The following RAD51B variants were observed in gnomAD, a reference collection of about 807,000 sequenced individuals.
RAD51B encodes the protein DNA repair protein RAD51 homolog 2.
A neutral mutation model predicts 42.2 loss-of-function variants in RAD51B; 38 were observed. That is an observed-to-expected ratio of 0.90 (90% confidence interval 0.70 to 1.18). The LOEUF (loss-of-function observed/expected upper bound fraction) is 1.18. Ranked by LOEUF, RAD51B falls within the 50% of genes most tolerant of loss-of-function variation. The pLI, the probability that RAD51B is intolerant of heterozygous loss-of-function variation, is 0.00. For synonymous variants in RAD51B, 154 were observed against 145.2 expected, an observed-to-expected ratio of 1.06 and a Z score of -0.43; for missense variants, 373 against 400.7, an observed-to-expected ratio of 0.93 and a Z score of 0.59.
chr14:67,946,523 A>G (rs1033995955), intron 7 of RAD51B, among the ~76,000 whole-genome samples: 5 of 152,122 alleles, frequency 3.3e-5, no homozygotes, highest in African/African-American at 1.2e-4. Flanking sequence ...ACTCGCCACC[A>G]TGCCCAGCTG....
chr14:68,035,476 G>A (rs1422206931), intron 7 of RAD51B, among the ~76,000 whole-genome samples: 2 of 152,030 alleles, frequency 1.3e-5, no homozygotes, highest in Non-Finnish European at 2.9e-5. Flanking sequence ...GTGCTAATAT[G>A]CAAGGAAAGG....
chr14:68,345,304 G>C (rs1398067247), intron 8 of RAD51B, among the ~76,000 whole-genome samples: 1 of 152,146 alleles, frequency 6.6e-6, no homozygotes, highest in East Asian at 1.9e-4. Context: ...ATATAGTTTA[G>C]ATATTTGTCC....
At chr14:67,869,672 A>C (rs1490841450) in intron 5 of RAD51B, among the ~76,000 whole-genome samples, 1 of 152,172 alleles carries the variant, frequency 6.6e-6, no homozygotes, top group African/African-American at 2.4e-5. Context: ...AAAAATGTTA[A>C]GCGCAGCCAG....
chr14:68,161,032 C>T (rs928874769), intron 7 of RAD51B, among the ~76,000 whole-genome samples: 2 of 152,112 alleles, frequency 1.3e-5, no homozygotes, highest in Non-Finnish European at 2.9e-5. Context: ...GCTCTTATAT[C>T]GTTGTGTTTG....
At chr14:68,682,663 G>T (rs890703631) in intron 11 of RAD51B, among the ~76,000 whole-genome samples, 2 of 152,126 alleles carry the variant, frequency 1.3e-5, no homozygotes, top group South Asian at 4.2e-4. Flanking sequence ...CCATAAATAT[G>T]GTTCCCATCC....
intron 8 of RAD51B, among the ~76,000 whole-genome samples, chr14:68,335,622 T>C (rs904889832): frequency 6.6e-6 from 1 of 152,176 alleles, no homozygotes; most frequent in African/African-American, 2.4e-5. Flanking sequence ...TCTTTTACTG[T>C]TTTTCATAGC....
chr14:68,303,242 G>A (rs2081783534), intron 8 of RAD51B, among the ~76,000 whole-genome samples: 2 of 152,112 alleles, frequency 1.3e-5, no homozygotes, highest in Non-Finnish European at 2.9e-5. Flanking sequence ...AACACCGCAT[G>A]TTCTCACTCA....
chr14:68,569,795 T>C (rs1889603882), intron 10 of RAD51B, among the ~76,000 whole-genome samples: 1 of 152,184 alleles, frequency 6.6e-6, no homozygotes, highest in Admixed American at 6.5e-5. Context: ...CAGCAGCCTC[T>C]GCCTTCCCAC....
At chr14:68,512,195 A>C (rs115054024) in intron 10 of RAD51B, among the ~76,000 whole-genome samples, 3,247 of 152,102 alleles carry the variant, frequency 0.021, 116 homozygotes, top group African/African-American at 0.073. Context: ...AGTGACCCCC[A>C]CTCCCAACAG....
chr14:68,255,620 A>G (rs2080737970), intron 7 of RAD51B, among the ~76,000 whole-genome samples: 1 of 152,214 alleles, frequency 6.6e-6, no homozygotes, highest in African/African-American at 2.4e-5. Flanking sequence ...AAAAGTTATC[A>G]CATAATTTTC....
At chr14:68,048,245 A>C (rs923025605) in intron 7 of RAD51B, among the ~76,000 whole-genome samples, 1 of 152,178 alleles carries the variant, frequency 6.6e-6, no homozygotes, top group African/African-American at 2.4e-5. Context: ...TCTTCTTTTG[A>C]GAAATGTCTG....
chr14:68,066,067 T>C (rs1224924824), intron 7 of RAD51B, among the ~76,000 whole-genome samples: 2 of 152,090 alleles, frequency 1.3e-5, no homozygotes, highest in African/African-American at 4.8e-5. Flanking sequence ...GCATTATTTA[T>C]GATTAATAAT....
At chr14:68,593,087 T>C (rs1890830141) in intron 10 of RAD51B, among the ~76,000 whole-genome samples, 1 of 152,204 alleles carries the variant, frequency 6.6e-6, no homozygotes, top group Admixed American at 6.5e-5. Flanking sequence ...AGGTCAGAAC[T>C]GGGCCAGCAG....
At chr14:68,526,846 G>A (rs1200658309) in intron 10 of RAD51B, among the ~76,000 whole-genome samples, 2 of 152,174 alleles carry the variant, frequency 1.3e-5, no homozygotes, top group East Asian at 1.9e-4. Flanking sequence ...GAGAAAACTA[G>A]TTCATTTTCA....
At chr14:68,285,049 T>A (rs1233623749) in intron 7 of RAD51B, among the ~76,000 whole-genome samples, 2 of 152,088 alleles carry the variant, frequency 1.3e-5, no homozygotes, top group Non-Finnish European at 2.9e-5. Flanking sequence ...CACCTCCAGC[T>A]CCTACCACAG....
intron 7 of RAD51B, among the ~76,000 whole-genome samples, chr14:68,200,656 A>T (rs985617193): frequency 1.2e-4 from 18 of 151,218 alleles, no homozygotes; most frequent in African/African-American, 4.1e-4. Flanking sequence ...TAAATCAATA[A>T]TTTTTTTTTC....
intron 7 of RAD51B, among the ~76,000 whole-genome samples, chr14:67,921,684 A>C (rs2044331650): frequency 6.6e-6 from 1 of 151,902 alleles, no homozygotes; most frequent in Admixed American, 6.6e-5. Context: ...GCAGGTCCTC[A>C]AATAATGTTG....
In RAD51B at chr14:68,276,149, T is replaced by G. The variant is rs559014025; in HGVS notation, c.757-15735T>G. On this transcript the variant is annotated intron_variant, in intron 7 of 10. Coordinates refer to ENST00000471583, the MANE Select transcript of RAD51B (RefSeq NM_133510.4). The stretch of plus-strand genomic sequence containing the variant: ...ACAGATTGGTCACCTTGTTAATGAC[T>G]TCCAGTATTCCAGAGTTCCTCCTCT... Among the ~76,000 whole-genome samples, 7 of 152,336 alleles carry G rather than the reference T, an allele frequency of 4.6e-5. No individual in the cohort carries two copies. The South Asian group carries it at 1.5e-3, about 32-fold the overall frequency.
intron 10 of RAD51B, among the ~76,000 whole-genome samples, chr14:68,631,759 C>T (rs1240078450): frequency 6.6e-6 from 1 of 152,190 alleles, no homozygotes; most frequent in Non-Finnish European, 1.5e-5. Context: ...TCCTTGGCTG[C>T]CTGGCCAGCT....
Sources: gnomAD v4.1 joint callset for allele counts (sites outside exome capture counted in the v4.1 genomes callset) on GRCh38, gnomAD v4.1.1 for gene constraint, MANE v1.5 for transcripts, NCBI Gene and HGNC (gene_info 2026-07-23, HGNC 2026-07-21) for gene names.